ENOX2: variants seen among roughly 807,000 people sequenced by gnomAD.
ENOX2 encodes the protein APK1 antigen.
ENOX2 carries 36 observed loss-of-function variants against 45.0 expected under a neutral mutation model. That is an observed-to-expected ratio of 0.80 (90% confidence interval 0.61 to 1.06). The LOEUF (loss-of-function observed/expected upper bound fraction) is 1.06. ENOX2 is among the 50% of genes least tolerant of loss of function. ENOX2 has a pLI of 0.00. For missense variants in ENOX2, 423 were observed against 462.5 expected, an observed-to-expected ratio of 0.91 and a Z score of 0.78; for synonymous variants, 174 against 152.3, an observed-to-expected ratio of 1.14 and a Z score of -1.05.
intron 3 of ENOX2, among the ~76,000 whole-genome samples, chrX:130,767,322 T>C (rs1347868109): frequency 8.9e-6 from 1 of 111,858 alleles, no homozygotes; most frequent in Non-Finnish European, 1.9e-5. Flanking sequence ...ACCTATCAAC[T>C]AAAACAGTAC....
rs202004242 is a variant in ENOX2, at chrX:130,710,715, TG to T, written c.-38-7462del. Among the ~76,000 whole-genome samples, 937 of 111,929 alleles carry T rather than the reference TG, an allele frequency of 8.4e-3. 12 individuals are homozygous for T. The highest frequency in any genetic ancestry group is 0.029 in the African/African-American group (890 of 30,790). ...CACATGTATAGGCAACTCCAACTTC[TG>T]TAGTTTATGCCGTACCCTACTCTCT... On this transcript the variant is annotated intron_variant, in intron 3 of 14. Transcript: ENST00000394363.
chrX:130,786,579 G>C (rs1454540780), intron 2 of ENOX2, among the ~76,000 whole-genome samples: 6 of 83,736 alleles, frequency 7.2e-5, no homozygotes, highest in Non-Finnish European at 1.4e-4. Context: ...ACAGTCCCCA[G>C]AGTGTGATGT....
chrX:130,780,036 G>A (rs779576828), intron 3 of ENOX2, among the ~76,000 whole-genome samples: 2 of 111,851 alleles, frequency 1.8e-5, no homozygotes, highest in South Asian at 3.8e-4. Context: ...GAAAGAAGAA[G>A]GGGAGCATGC....
At chrX:130,629,974 G>A (rs2035650187) in intron 13 of ENOX2, among the ~76,000 whole-genome samples, 1 of 112,236 alleles carries the variant, frequency 8.9e-6, no homozygotes, top group Admixed American at 9.4e-5. Flanking sequence ...ACTATGCTAA[G>A]TGATTTAGGT....
intron 2 of ENOX2, among the ~76,000 whole-genome samples, chrX:130,819,638 A>G (rs1459687019): frequency 9.0e-6 from 1 of 111,413 alleles, no homozygotes; most frequent in Admixed American, 9.5e-5. Flanking sequence ...AAAACCAAAC[A>G]CTGCATGTTC....
chrX:130,874,671 T>C, intron 2 of ENOX2, among the ~76,000 whole-genome samples: 1 of 112,140 alleles, frequency 8.9e-6, no homozygotes, highest in Admixed American at 9.4e-5. Flanking sequence ...TATTCCATTA[T>C]CAAAAGGCAT....
At chrX:130,665,886 G>A (rs2036822448) in intron 8 of ENOX2, 137 bp from the exon 9 acceptor site, 2 of 424,614 alleles carry the variant, frequency 4.7e-6, no homozygotes, top group Admixed American at 7.0e-5. Flanking sequence ...CTAAGCTGTG[G>A]TTGTGCTTGG....
chrX:130,871,210 TA>T (rs1341680953), intron 2 of ENOX2, among the ~76,000 whole-genome samples: 5 of 111,549 alleles, frequency 4.5e-5, no homozygotes, highest in Non-Finnish European at 9.4e-5. Flanking sequence ...TGTTTTAAGT[TA>T]GATAGTAATA....
At chrX:130,758,183 T>C (rs145554386) in intron 3 of ENOX2, among the ~76,000 whole-genome samples, 2,547 of 111,902 alleles carry the variant, frequency 0.023, 83 homozygotes, top group Admixed American at 0.11. Flanking sequence ...AACCAAGATA[T>C]TGACATTGGT....
At chrX:130,834,731 A>G (rs1040514629) in intron 2 of ENOX2, among the ~76,000 whole-genome samples, 5 of 111,479 alleles carry the variant, frequency 4.5e-5, no homozygotes, top group Non-Finnish European at 9.4e-5. Flanking sequence ...GGATTTTAAC[A>G]TTTTGAAACT....
chrX:130,882,176 A>C (rs1334617672), intron 2 of ENOX2, among the ~76,000 whole-genome samples: 1 of 110,751 alleles, frequency 9.0e-6, no homozygotes, highest in Non-Finnish European at 1.9e-5. Flanking sequence ...ATGGAAAGGC[A>C]CAGGAGCTTG....
At chrX:130,875,794 T>C (rs1569328696) in intron 2 of ENOX2, among the ~76,000 whole-genome samples, 1 of 111,984 alleles carries the variant, frequency 8.9e-6, no homozygotes, top group African/African-American at 3.2e-5. Flanking sequence ...GAAAAAAAGA[T>C]AACTGTGCTT....
At chrX:130,732,309 T>C in intron 3 of ENOX2, among the ~76,000 whole-genome samples, 2 of 111,747 alleles carry the variant, frequency 1.8e-5, no homozygotes, top group Non-Finnish European at 3.8e-5. Context: ...GTAAAAGACT[T>C]GCATAATGAA....
intron 2 of ENOX2, among the ~76,000 whole-genome samples, chrX:130,895,407 G>C (rs774870240): frequency 1.1e-4 from 12 of 111,911 alleles, no homozygotes; most frequent in African/African-American, 3.6e-4. Context: ...AGCAGTTGTT[G>C]CTGGCTAAAA....
intron 3 of ENOX2, among the ~76,000 whole-genome samples, chrX:130,710,097 C>T: frequency 8.9e-6 from 1 of 111,915 alleles, no homozygotes; most frequent in East Asian, 2.8e-4. Flanking sequence ...TTACTATGCA[C>T]CTCACACTGT....
intron 3 of ENOX2, among the ~76,000 whole-genome samples, chrX:130,714,483 C>T (rs1200072016): frequency 9.0e-6 from 1 of 111,521 alleles, no homozygotes; most frequent in Non-Finnish European, 1.9e-5. Flanking sequence ...GTAACTCTTA[C>T]ACCCACTACA....
intron 2 of ENOX2, among the ~76,000 whole-genome samples, chrX:130,822,090 AAGAG>A (rs1369254852): frequency 5.6e-5 from 6 of 106,737 alleles, no homozygotes; most frequent in African/African-American, 2.1e-4. Flanking sequence ...AAAAAAAAAA[AAGAG>A]AGAGAATAAG....
At chrX:130,839,120 C>T (rs2077973064) in intron 2 of ENOX2, among the ~76,000 whole-genome samples, 1 of 112,298 alleles carries the variant, frequency 8.9e-6, no homozygotes, top group Non-Finnish European at 1.9e-5. Context: ...ACTGATTAAG[C>T]ATCTCAAGTC....
At chrX:130,841,922 T>C (rs765192284) in intron 2 of ENOX2, among the ~76,000 whole-genome samples, 2 of 112,262 alleles carry the variant, frequency 1.8e-5, no homozygotes, top group Non-Finnish European at 3.8e-5. Context: ...AATTCGCTCC[T>C]CCTCCCCTCT....
Sources: gnomAD v4.1 joint callset for allele counts (sites outside exome capture counted in the v4.1 genomes callset) on GRCh38, gnomAD v4.1.1 for gene constraint, MANE v1.5 for transcripts, NCBI Gene and HGNC (gene_info 2026-07-23, HGNC 2026-07-21) for gene names.